EDIL3: variants seen among roughly 807,000 people sequenced by gnomAD.
The protein encoded by EDIL3 is EGF like and discoidin domains 3, also known as EGF-like repeat and discoidin I-like domain-containing protein 3.
A neutral mutation model predicts 67.4 loss-of-function variants in EDIL3; 37 were observed. That is an observed-to-expected ratio of 0.55 (90% CI 0.42 to 0.72). The LOEUF is 0.72. EDIL3 is among the 30% of genes least tolerant of loss of function. The pLI is 0.00. For synonymous variants in EDIL3, 195 were observed against 196.3 expected (o/e 0.99, Z 0.05); for missense variants, 527 against 586.3 (o/e 0.90, Z 1.04).
intron 9 of EDIL3, among the ~76,000 whole-genome samples, chr5:84,053,916 C>A (rs4331875): frequency 0.12 from 17,737 of 152,072 alleles, 1,630 homozygotes; most frequent in African/African-American, 0.25. Flanking sequence ...TGAAACTATT[C>A]CAATCAATAG....
intron 1 of EDIL3, among the ~76,000 whole-genome samples, chr5:84,331,158 A>C (rs1457547982): frequency 6.6e-6 from 1 of 152,196 alleles, no homozygotes; most frequent in East Asian, 1.9e-4. Context: ...TTGATTTTAC[A>C]GGCTCATAGG....
At chr5:84,155,097 T>C (rs927561160) in intron 4 of EDIL3, among the ~76,000 whole-genome samples, 23 of 152,162 alleles carry the variant, frequency 1.5e-4, no homozygotes, top group African/African-American at 4.1e-4. Flanking sequence ...TATTCTACCC[T>C]TTCTTGGATC....
intron 9 of EDIL3, among the ~76,000 whole-genome samples, chr5:84,028,445 C>T (rs376057152): frequency 2.8e-4 from 42 of 152,104 alleles, no homozygotes; most frequent in African/African-American, 9.7e-4. Context: ...GACATGTAAA[C>T]TTAAGTCTTG....
Position 84,005,869 on chromosome 5 carries a change from G to A in EDIL3, c.1138-42509C>T, listed in dbSNP as rs1406044118. Among the ~76,000 whole-genome samples, 4 of 151,788 alleles carry A rather than the reference G, an allele frequency of 2.6e-5. No individual in the cohort carries two copies. In the East Asian group the frequency reaches 7.7e-4, roughly 29 times the overall value. ...AAAAAAGCATCCAAATAAGAAGACA[G>A]GAAGTTAAACTATCTCTCCTCGCAG... On this transcript the variant is annotated intron_variant, in intron 9 of 10. Coordinates refer to ENST00000296591, the MANE Select transcript of EDIL3 (RefSeq NM_005711.5).
At chr5:84,222,169 A>G (rs1274176446) in intron 3 of EDIL3, among the ~76,000 whole-genome samples, 3 of 151,942 alleles carry the variant, frequency 2.0e-5, no homozygotes, top group Non-Finnish European at 4.4e-5. Context: ...AAATATTTCA[A>G]AAGCTAGAGA....
At position 84,292,273 on chromosome 5, in the gene EDIL3, T is replaced by A. The variant is rs1032210309; in HGVS notation, c.68-38061A>T. 3.9e-5 allele frequency among the ~76,000 whole-genome samples: 6 copies of A among 152,140 alleles called. No homozygotes were observed. In the East Asian group the frequency reaches 1.2e-3, roughly 29 times the overall value. On this transcript the variant is annotated intron_variant, in intron 1 of 10. Coordinates refer to ENST00000296591, the MANE Select transcript of EDIL3 (RefSeq NM_005711.5). ...TGCTTACTAACAATAATTGGAAATA[T>A]CAATAACACTGATGATTTTTTTTAA... is the stretch of plus-strand genomic sequence containing the variant.
At chr5:84,113,881 TGAGTCC>T (rs1439073696) in intron 5 of EDIL3, among the ~76,000 whole-genome samples, 3 of 152,178 alleles carry the variant, frequency 2.0e-5, no homozygotes, top group Non-Finnish European at 4.4e-5. Flanking sequence ...CTTATACGAG[TGAGTCC>T]TCTGCTGTGC....
intron 6 of EDIL3, among the ~76,000 whole-genome samples, chr5:84,077,875 A>G (rs572228690): frequency 6.6e-6 from 1 of 150,936 alleles, no homozygotes; most frequent in Non-Finnish European, 1.5e-5. Flanking sequence ...CAAATCACAT[A>G]GACACACACA....
At chr5:84,083,713 C>T (rs1701151347) in intron 6 of EDIL3, among the ~76,000 whole-genome samples, 1 of 152,052 alleles carries the variant, frequency 6.6e-6, no homozygotes, top group South Asian at 2.1e-4. Context: ...TACCCTGCAT[C>T]TTTAAGCCTT....
intron 1 of EDIL3, among the ~76,000 whole-genome samples, chr5:84,339,130 C>T (rs373289937): frequency 2.0e-5 from 3 of 152,188 alleles, no homozygotes; most frequent in East Asian, 3.9e-4. Flanking sequence ...GATAAAATAA[C>T]GACTCTTGAG....
intron 2 of EDIL3, among the ~76,000 whole-genome samples, chr5:84,238,347 G>C (rs10045576): frequency 0.79 from 120,727 of 151,956 alleles, 48,180 homozygotes; most frequent in East Asian, 0.95. Flanking sequence ...AATATAGATC[G>C]ACACATTTGG....
chr5:84,109,013 A>G (rs1423744532), intron 5 of EDIL3, among the ~76,000 whole-genome samples: 2 of 152,126 alleles, frequency 1.3e-5, no homozygotes, highest in Non-Finnish European at 2.9e-5. Context: ...ATATCCTATA[A>G]TTCTACTTCA....
chr5:84,251,410 C>G (rs770052966), intron 2 of EDIL3, among the ~76,000 whole-genome samples: 2 of 150,746 alleles, frequency 1.3e-5, no homozygotes, highest in Non-Finnish European at 2.9e-5. Context: ...CCACCACGCC[C>G]GGCCTTTTTT....
chr5:84,044,564 G>A (rs191764965), intron 9 of EDIL3, among the ~76,000 whole-genome samples: 5 of 152,296 alleles, frequency 3.3e-5, no homozygotes, highest in Admixed American at 3.3e-4. Context: ...AGCAGGAAAA[G>A]AAGGTCATTT....
intron 3 of EDIL3, among the ~76,000 whole-genome samples, chr5:84,186,035 C>T (rs976875457): frequency 6.6e-6 from 1 of 151,950 alleles, no homozygotes; most frequent in Non-Finnish European, 1.5e-5. Context: ...AAGTTGCTTC[C>T]TAGCCAAAAG....
At chr5:84,118,024 G>C (rs1415914872) in intron 5 of EDIL3, among the ~76,000 whole-genome samples, 1 of 152,038 alleles carries the variant, frequency 6.6e-6, no homozygotes, top group Non-Finnish European at 1.5e-5. Flanking sequence ...TAACTTAATA[G>C]TCTTATGGAT....
chr5:84,051,034 C>T (rs185092995), intron 9 of EDIL3, among the ~76,000 whole-genome samples: 10 of 152,300 alleles, frequency 6.6e-5, no homozygotes, highest in African/African-American at 1.2e-4. Context: ...GTTGCTGACC[C>T]CTGAGTAGCC....
intron 9 of EDIL3, among the ~76,000 whole-genome samples, chr5:84,027,914 G>C (rs1056057296): frequency 1.3e-5 from 2 of 152,036 alleles, no homozygotes; most frequent in Admixed American, 1.3e-4. Context: ...TGTCTCTGAG[G>C]AATTTAACCT....
At chr5:84,151,778 T>C (rs141851665) in intron 4 of EDIL3, among the ~76,000 whole-genome samples, 2 of 152,206 alleles carry the variant, frequency 1.3e-5, no homozygotes, top group African/African-American at 4.8e-5. Flanking sequence ...TCCAGAAAAA[T>C]TTTCTGATGG....
Sources: allele counts gnomAD v4.1 joint callset (sites outside exome capture counted in the v4.1 genomes callset), GRCh38; gene constraint gnomAD v4.1.1; transcripts MANE v1.5; gene names NCBI Gene and HGNC (gene_info 2026-07-23, HGNC 2026-07-21).